The following NT5DC3 variants were observed in gnomAD, a reference collection of about 807,000 sequenced individuals.
NT5DC3 encodes the protein 5'-nucleotidase domain-containing protein 3.
In NT5DC3, 42 loss-of-function variants were observed where a neutral mutation model predicts 67.8. The ratio of observed to expected loss-of-function variants is 0.62; its 90% CI spans 0.48 to 0.80. The LOEUF (loss-of-function observed/expected upper bound fraction) is 0.80, where lower values mean the gene tolerates loss of function less well. NT5DC3 is among the 30% of genes least tolerant of loss of function. The probability of loss-of-function intolerance (pLI) is 0.00; values close to 1 mark genes in which losing one functional copy is unlikely to be tolerated. For missense variants in NT5DC3, 570 were observed against 696.4 expected (o/e 0.82, Z 2.04); for synonymous variants, 237 against 255.6 (o/e 0.93, Z 0.69).
chr12:103,804,592 T>C lies in NT5DC3; in HGVS notation c.524+1730A>G, dbSNP rs190695911. Among the ~76,000 whole-genome samples the C allele has an allele frequency of 2.0e-5, 3 of 152,146 alleles. No individual in the cohort carries two copies. In the East Asian group the frequency reaches 5.8e-4, roughly 29 times the overall value. On this transcript the variant is annotated intron_variant, in intron 4 of 13. Coordinates refer to ENST00000392876, the MANE Select transcript of NT5DC3 (RefSeq NM_001031701.3). The stretch of plus-strand genomic sequence containing the variant: ...TGACAAATTATTGAAAACATTTGAA[T>C]TATTGGAAAATAAATACATGCCTAA...
chr12:103,761,409 T>C, the NT5DC3 span: 2 of 1,613,238 alleles, frequency 1.2e-6, no homozygotes, highest in South Asian at 1.1e-5. Context: ...CCTGCCCCCG[T>C]GGTGAGTATC....
chr12:103,762,062 T>C, the NT5DC3 span, among the ~76,000 whole-genome samples: 1 of 152,182 alleles, frequency 6.6e-6, no homozygotes, highest in East Asian at 1.9e-4. Flanking sequence ...CCCACAATAA[T>C]AACTCTCCCT....
At chr12:103,751,902 C>T in the NT5DC3 span, among the ~76,000 whole-genome samples, 1 of 152,286 alleles carries the variant, frequency 6.6e-6, no homozygotes, top group South Asian at 2.1e-4. Context: ...TGTGTGGTTA[C>T]CATTAGCTTG....
At chr12:103,766,031 G>A, downstream of NT5DC3, 1 of 641,484 alleles carries the variant, frequency 1.6e-6, no homozygotes, top group South Asian at 1.5e-5. Flanking sequence ...CTTTGTAGAT[G>A]AAGAAACTGC....
Position 103,841,113 on chromosome 12 carries a change from G to A in NT5DC3, c.44C>T (p.Ala15Val). Residue 15 changes from alanine to valine, a missense_variant, in exon 1 of 14, where the codon GCG becomes GTG. By Grantham distance (64) the Ala-to-Val change is moderately conservative (BLOSUM62 0). Transcript: ENST00000392876. The stretch of plus-strand genomic sequence containing the variant: ...CAAAGCCGCCGCTGTCGCTGCCCTC[G>A]CCCCGGCCCCGCGTGCCACCACCGC... ...AAAVVARGAG[A>V]RAATAAALRG... 9.4e-7 allele frequency: 1 copy of A among 1,058,416 alleles called. No individual in the cohort carries two copies. Among genetic ancestry groups the A allele is most frequent in the Non-Finnish European group, 1.2e-6 (1 of 815,782 alleles). 65.6% of individuals were successfully genotyped at this position (1,058,416 alleles called of 1,614,324 possible).
At chr12:103,789,953 T>C (rs190430881) in intron 9 of NT5DC3, among the ~76,000 whole-genome samples, 146 of 152,378 alleles carry the variant, frequency 9.6e-4, no homozygotes, top group Admixed American at 2.6e-3. Context: ...GAAATTTATC[T>C]TTCTTTCATG....
intron 6 of NT5DC3, among the ~76,000 whole-genome samples, chr12:103,795,937 C>T (rs1370951591): frequency 1.3e-5 from 2 of 152,164 alleles, no homozygotes. Flanking sequence ...ACTAAAATGA[C>T]ATCGAATAAA....
chr12:103,750,548 T>G, the NT5DC3 span: 1 of 1,610,768 alleles, frequency 6.2e-7, no homozygotes, highest in African/African-American at 1.3e-5. Flanking sequence ...GAGAAGGAAC[T>G]TTTTCATCTC....
rs1885840934 is a variant in NT5DC3, at chr12:103,787,456, T to C, written c.1173A>G (p.Ile391Met). The change falls in exon 11 of 14, where the codon ATA (isoleucine) becomes ATG (methionine). Residue 391 changes from isoleucine to methionine, a missense_variant. Ile to Met is a conservative substitution (Grantham distance 10). Coordinates refer to ENST00000392876, the MANE Select transcript of NT5DC3 (RefSeq NM_001031701.3). ...GGCCCCTCACCGCCAGGTCACTGTA[T>C]ATATGGTCACCAAAATACAACACTC... is the stretch of plus-strand genomic sequence containing the variant. ...GSRVLYFGDHIYSDLADLTLK... is the reference protein window; with the variant it reads ...GSRVLYFGDHMYSDLADLTLK... 6.2e-7 allele frequency: 1 copy of C among 1,601,724 alleles called. No homozygotes were observed. Among genetic ancestry groups the C allele is most frequent in the South Asian group, 1.1e-5 (1 of 89,016 alleles).
the NT5DC3 span, chr12:103,762,437 C>G: frequency 6.2e-7 from 1 of 1,613,900 alleles, no homozygotes; most frequent in Non-Finnish European, 8.5e-7. Context: ...ATGATGGGGT[C>G]CTCTCCAAAA....
chr12:103,813,040 A>G (rs1426932340), intron 2 of NT5DC3, among the ~76,000 whole-genome samples: 1 of 152,248 alleles, frequency 6.6e-6, no homozygotes, highest in Non-Finnish European at 1.5e-5. Context: ...GAACCCCAGC[A>G]GTGAGGCCTT....
In NT5DC3 at chr12:103,798,635, G is replaced by A. The variant is rs751408647; in HGVS notation, c.567C>T (p.Tyr189=). ...GCTCCAAGGGCACGTGGGACCCCTC[G>A]TACATTTCAATGACTTCTTCATCAG... is the stretch of plus-strand genomic sequence containing the variant. ...VVPDEEVIEM[Y]EGSHVPLEQM... is the part of the protein sequence containing the mutation. The change falls in exon 5 of 14, where the codon TAC becomes TAT. Residue 189 remains tyrosine (Y), a synonymous_variant. Transcript: ENST00000392876. 18 of 1,613,850 alleles carry A rather than the reference G, an allele frequency of 1.1e-5. No homozygotes were observed. Among genetic ancestry groups the A allele is most frequent in the South Asian group, 7.7e-5 (7 of 91,090 alleles).
intron 1 of NT5DC3, among the ~76,000 whole-genome samples, chr12:103,840,402 T>TC (rs1491122954): frequency 6.8e-6 from 1 of 147,686 alleles, no homozygotes; most frequent in African/African-American, 2.5e-5. Flanking sequence ...TCTCATCTCA[T>TC]CTCATCTCAT....
Position 103,806,357 on chromosome 12 carries a change from A to G in NT5DC3, c.489T>C (p.Asp163=), listed in dbSNP as rs780355644. The change falls in exon 4 of 14, where the codon GAT becomes GAC. Residue 163 remains aspartate (D), a synonymous_variant. Coordinates refer to ENST00000392876, the MANE Select transcript of NT5DC3 (RefSeq NM_001031701.3). ...TTCCCAGCTGGATATAATGAAAAGCATCGATCTTCATTAATACTGCCTTTA... is the reference window on the plus strand; with the variant it reads ...TTCCCAGCTGGATATAATGAAAAGCGTCGATCTTCATTAATACTGCCTTTA... ...DVQRAVLMKI[D]AFHYIQLGTV... 3.1e-6 allele frequency: 5 copies of G among 1,603,036 alleles called. No homozygotes were observed. In the South Asian group the frequency reaches 3.3e-5, roughly 11 times the overall value.
At chr12:103,761,522 G>C in the NT5DC3 span, 33 of 967,388 alleles carry the variant, frequency 3.4e-5, no homozygotes, top group South Asian at 5.0e-4. Context: ...CCAGAGACTG[G>C]AGGAGCCTCC....
At chr12:103,746,615 C>G in the NT5DC3 span, 1 of 1,614,038 alleles carries the variant, frequency 6.2e-7, no homozygotes, top group African/African-American at 1.3e-5. Flanking sequence ...GCAGTGTGTA[C>G]GCCTCCTTGT....
intron 1 of NT5DC3, among the ~76,000 whole-genome samples, chr12:103,826,302 G>A (rs745564129): frequency 2.0e-5 from 3 of 152,226 alleles, no homozygotes; most frequent in Admixed American, 6.5e-5. Context: ...ATCTTACATG[G>A]CAAGGGAGAA....
At chr12:103,838,308 A>G (rs1457464723) in intron 1 of NT5DC3, among the ~76,000 whole-genome samples, 2 of 152,172 alleles carry the variant, frequency 1.3e-5, no homozygotes, top group Non-Finnish European at 2.9e-5. Flanking sequence ...GATCTTCCCC[A>G]TCCCATGCTT....
At chr12:103,840,175 T>G (rs1888319380) in intron 1 of NT5DC3, among the ~76,000 whole-genome samples, 1 of 152,174 alleles carries the variant, frequency 6.6e-6, no homozygotes, top group Admixed American at 6.5e-5. Context: ...CTTCGTAGAT[T>G]ACAGGAACGA....
Sources: gnomAD v4.1 joint callset for allele counts (sites outside exome capture counted in the v4.1 genomes callset) on GRCh38, gnomAD v4.1.1 for gene constraint, MANE v1.5 for transcripts, NCBI Gene and HGNC (gene_info 2026-07-23, HGNC 2026-07-21) for gene names.